SAMD4A: variants seen among roughly 807,000 people sequenced by gnomAD.
The protein encoded by SAMD4A is sterile alpha motif domain containing 4A.
A neutral mutation model predicts 81.3 loss-of-function variants in SAMD4A; 33 were observed. The ratio of observed to expected loss-of-function variants is 0.41; its 90% confidence interval spans 0.31 to 0.54. The LOEUF (loss-of-function observed/expected upper bound fraction) is 0.54. Among genes scored for constraint, SAMD4A ranks in the 20% least tolerant of loss-of-function variants. SAMD4A has a pLI of 0.37. For missense variants in SAMD4A, 854 were observed against 951.1 expected (o/e 0.90, Z 1.34); for synonymous variants, 389 against 382.1 (o/e 1.02, Z -0.21).
intron 7 of SAMD4A, among the ~76,000 whole-genome samples, chr14:54,762,091 G>A (rs545013292): frequency 5.9e-5 from 9 of 152,274 alleles, no homozygotes; most frequent in East Asian, 3.9e-4. Flanking sequence ...CTGGGTGCAC[G>A]CCTGTCGGGG....
chr14:54,681,263 C>T (rs542790996), intron 2 of SAMD4A, among the ~76,000 whole-genome samples: 2 of 148,138 alleles, frequency 1.4e-5, no homozygotes, highest in South Asian at 4.3e-4. Context: ...ACTTGTCTTG[C>T]ATTTGAGATG....
chr14:54,618,994 A>T (rs1305082048), intron 2 of SAMD4A, among the ~76,000 whole-genome samples: 2 of 152,224 alleles, frequency 1.3e-5, no homozygotes, highest in African/African-American at 2.4e-5. Context: ...ATAGAAAGAA[A>T]AAAAGAGCCC....
intron 2 of SAMD4A, among the ~76,000 whole-genome samples, chr14:54,637,184 A>T (rs1353718134): frequency 6.6e-6 from 1 of 151,626 alleles, no homozygotes; most frequent in Non-Finnish European, 1.5e-5. Flanking sequence ...GGCCAACATG[A>T]TGAAACCTCG....
intron 2 of SAMD4A, among the ~76,000 whole-genome samples, chr14:54,594,062 C>T (rs888614108): frequency 6.6e-6 from 1 of 151,960 alleles, no homozygotes; most frequent in African/African-American, 2.4e-5. Flanking sequence ...TCTTCTGTTG[C>T]AGAAGTAAAA....
At chr14:54,701,870 T>C (rs1247272642) in intron 2 of SAMD4A, among the ~76,000 whole-genome samples, 192 bp from the exon 3 acceptor site, 7 of 152,258 alleles carry the variant, frequency 4.6e-5, no homozygotes, top group Non-Finnish European at 1.5e-5. Context: ...ATGTTTGATC[T>C]GTGTTTCATT....
At chr14:54,688,548 C>T (rs1295281264) in intron 2 of SAMD4A, among the ~76,000 whole-genome samples, 1 of 152,212 alleles carries the variant, frequency 6.6e-6, no homozygotes, top group Non-Finnish European at 1.5e-5. Context: ...CGTGGCTTCC[C>T]TGTCTATCCT....
intron 2 of SAMD4A, among the ~76,000 whole-genome samples, chr14:54,648,308 A>T (rs886151967): frequency 2.0e-5 from 3 of 152,234 alleles, no homozygotes; most frequent in African/African-American, 7.2e-5. Flanking sequence ...GAAAGGGCAG[A>T]TTGAGACTTC....
At chr14:54,783,362 C>T (rs144760813) in intron 11 of SAMD4A, among the ~76,000 whole-genome samples, 358 of 152,248 alleles carry the variant, frequency 2.4e-3, no homozygotes, top group Admixed American at 4.6e-3. Flanking sequence ...CATTTAAAGT[C>T]GCCACTGGAT....
At chr14:54,572,403 C>T (rs2033155116) in intron 2 of SAMD4A, among the ~76,000 whole-genome samples, 1 of 152,114 alleles carries the variant, frequency 6.6e-6, no homozygotes, top group African/African-American at 2.4e-5. Flanking sequence ...AGGTATCTCC[C>T]ATGCAGAAGA....
intron 2 of SAMD4A, 80 bp downstream of exon 2, chr14:54,568,192 C>T: frequency 1.6e-6 from 2 of 1,281,632 alleles, no homozygotes; most frequent in Non-Finnish European, 2.0e-6. Context: ...TCGGGCCAGG[C>T]CGAGGCCAGT....
At chr14:54,646,170 G>A (rs1011330557) in intron 2 of SAMD4A, among the ~76,000 whole-genome samples, 10 of 152,162 alleles carry the variant, frequency 6.6e-5, no homozygotes, top group Non-Finnish European at 1.3e-4. Flanking sequence ...CTTCCTAGGC[G>A]CTGCTGAACA....
At chr14:54,678,691 G>A (rs2036056225) in intron 2 of SAMD4A, among the ~76,000 whole-genome samples, 1 of 151,930 alleles carries the variant, frequency 6.6e-6, no homozygotes, top group Non-Finnish European at 1.5e-5. Context: ...TGGGACTACA[G>A]GCGCCCGCCA....
At chr14:54,605,920 C>G (rs2034186501) in intron 2 of SAMD4A, among the ~76,000 whole-genome samples, 1 of 152,046 alleles carries the variant, frequency 6.6e-6, no homozygotes, top group South Asian at 2.1e-4. Flanking sequence ...AACATGCTTG[C>G]TAAATAGTCA....
chr14:54,771,212 A>AT (rs762987139), intron 9 of SAMD4A, among the ~76,000 whole-genome samples: 1 of 152,248 alleles, frequency 6.6e-6, no homozygotes, highest in Non-Finnish European at 1.5e-5. Flanking sequence ...ACATTCCAGC[A>AT]TATATAACGG....
At chr14:54,667,492 G>C (rs2035780899) in intron 2 of SAMD4A, among the ~76,000 whole-genome samples, 1 of 152,086 alleles carries the variant, frequency 6.6e-6, no homozygotes, top group Non-Finnish European at 1.5e-5. Context: ...TGTTACACAT[G>C]GTGACCAGGA....
intron 2 of SAMD4A, among the ~76,000 whole-genome samples, chr14:54,630,374 C>T (rs1017348223): frequency 3.9e-5 from 6 of 152,176 alleles, no homozygotes; most frequent in African/African-American, 1.4e-4. Flanking sequence ...TAGTAGCCAT[C>T]CCAATGAATA....
Position 54,568,011 on chromosome 14 carries a change from G to A in SAMD4A, c.95G>A (p.Arg32His). 1 of 1,607,838 alleles carries A rather than the reference G, an allele frequency of 6.2e-7. No individual in the cohort carries two copies. The highest frequency in any genetic ancestry group is 8.5e-7 in the Non-Finnish European group (1 of 1,179,524). Residue 32 changes from arginine to histidine, a missense_variant, in exon 2 of 13, where the codon CGC becomes CAC. Arg to His is a conservative substitution (Grantham distance 29, BLOSUM62 0). Transcript: ENST00000554335. ...GTTGCGCTGCTGTCGCTGCTCAAGC[G>A]CGTGAGCCAGACCCAGGCCCGCTTC... ...QTVALLSLLKRVSQTQARFLQ... is the reference protein window; with the variant it reads ...QTVALLSLLKHVSQTQARFLQ...
At chr14:54,647,344 G>A (rs978584330) in intron 2 of SAMD4A, among the ~76,000 whole-genome samples, 4 of 152,150 alleles carry the variant, frequency 2.6e-5, no homozygotes, top group Admixed American at 6.5e-5. Context: ...CTTAAACTGA[G>A]GATGATAAGG....
intron 2 of SAMD4A, among the ~76,000 whole-genome samples, chr14:54,575,973 G>C (rs1487903881): frequency 6.9e-6 from 1 of 144,198 alleles, no homozygotes; most frequent in African/African-American, 2.6e-5. Context: ...GGAAAATGAG[G>C]CTCCAGGAAA....
Sources: gnomAD v4.1 joint callset for allele counts (sites outside exome capture counted in the v4.1 genomes callset) on GRCh38, gnomAD v4.1.1 for gene constraint, MANE v1.5 for transcripts, NCBI Gene and HGNC (gene_info 2026-07-23, HGNC 2026-07-21) for gene names.